The following BRDT variants were observed in gnomAD, a reference collection of about 807,000 sequenced individuals.
The protein encoded by BRDT is bromodomain testis-specific protein.
A neutral mutation model predicts 113.9 loss-of-function variants in BRDT; 77 were observed. The ratio of observed to expected loss-of-function variants is 0.68; its 90% CI spans 0.56 to 0.82. The LOEUF (loss-of-function observed/expected upper bound fraction) is 0.82, where lower values mean the gene tolerates loss of function less well. Ranked by LOEUF, BRDT falls within the 40% of genes least tolerant of loss-of-function variation. The probability of loss-of-function intolerance (pLI) is 0.00; values close to 1 mark genes in which losing one functional copy is unlikely to be tolerated. For synonymous variants in BRDT, 358 were observed against 366.5 expected (o/e 0.98, Z 0.26); for missense variants, 1,027 against 1,105.4 (o/e 0.93, Z 1.01).
At chr1:92,000,794 A>G (rs1339371279) in intron 15 of BRDT, among the ~76,000 whole-genome samples, 1 of 152,210 alleles carries the variant, frequency 6.6e-6, no homozygotes, top group Non-Finnish European at 1.5e-5. Context: ...TGCAGATGAC[A>G]GAAAACTCAG....
At chr1:91,950,950 AG>A (rs1401447432) in intron 1 of BRDT, 2 of 151,770 alleles carry the variant, frequency 1.3e-5, no homozygotes, top group African/African-American at 2.4e-5. Context: ...GCTTGAACCC[AG>A]GAGGAAGTGG....
At chr1:91,996,031 A>G (rs544722492) in intron 15 of BRDT, among the ~76,000 whole-genome samples, 1 of 152,324 alleles carries the variant, frequency 6.6e-6, no homozygotes, top group East Asian at 1.9e-4. Flanking sequence ...GAATAAACAA[A>G]TATCCAAAGT....
intron 12 of BRDT, among the ~76,000 whole-genome samples, chr1:91,990,958 G>A (rs866806182): frequency 1.3e-5 from 2 of 151,928 alleles, no homozygotes; most frequent in Non-Finnish European, 2.9e-5. Flanking sequence ...CCACCACACC[G>A]TGCTAATTTT....
chr1:91,970,139 G>C (rs2101617544), intron 4 of BRDT, among the ~76,000 whole-genome samples: 1 of 151,748 alleles, frequency 6.6e-6, no homozygotes, highest in Admixed American at 6.6e-5. Context: ...CTACATTTAA[G>C]TTTTTTGTTA....
intron 3 of BRDT, among the ~76,000 whole-genome samples, chr1:91,965,924 T>G (rs906500930): frequency 6.6e-5 from 10 of 152,198 alleles, no homozygotes; most frequent in African/African-American, 1.2e-4. Flanking sequence ...CTTGTTTCTC[T>G]GTCTAAAAAA....
chr1:91,964,823 G>T, intron 3 of BRDT, 59 bp downstream of exon 3: 3 of 1,152,686 alleles, frequency 2.6e-6, no homozygotes, highest in South Asian at 2.7e-5. Flanking sequence ...GGAGAGAAAT[G>T]TATAAAATCA....
chr1:91,962,580 C>G, intron 1 of BRDT, 138 bp from the exon 2 acceptor site: 1 of 417,102 alleles, frequency 2.4e-6, no homozygotes. Flanking sequence ...GTGATCCACC[C>G]GCCTTGGCCT....
At chr1:91,962,295 T>TC (rs1491121583) in intron 1 of BRDT, among the ~76,000 whole-genome samples, 1 of 123,816 alleles carries the variant, frequency 8.1e-6, no homozygotes, top group African/African-American at 2.8e-5. Context: ...TTTTTTTTTT[T>TC]CATCCTGTCT....
intron 1 of BRDT, among the ~76,000 whole-genome samples, chr1:91,958,202 A>G (rs1448293205): frequency 1.4e-5 from 2 of 146,370 alleles, no homozygotes; most frequent in African/African-American, 5.0e-5. Flanking sequence ...TCATGACTTG[A>G]TAACTCATGC....
At chr1:91,979,792 T>C (rs753118498) in intron 8 of BRDT, 35 bp downstream of exon 8, 32 of 1,555,126 alleles carry the variant, frequency 2.1e-5, no homozygotes, top group Admixed American at 8.5e-5. Context: ...TTTGATAATC[T>C]ATGAGCTGCT....
intron 11 of BRDT, 34 bp from the exon 12 acceptor site, chr1:91,981,584 T>C (rs1388775748): frequency 1.9e-6 from 3 of 1,607,010 alleles, no homozygotes; most frequent in Non-Finnish European, 2.6e-6. Context: ...TATTTAATTC[T>C]TCTGGCATTT....
At chr1:92,001,733 A>AGTCTAAACTGGAGAGCTGC (rs1686866579) in intron 15 of BRDT, among the ~76,000 whole-genome samples, 1 of 151,868 alleles carries the variant, frequency 6.6e-6, no homozygotes, top group African/African-American at 2.4e-5. Flanking sequence ...AGCTGAGGTC[A>AGTCTAAACTGGAGAGCTGC]GTCTAAACTG....
chr1:91,992,835 C>T (rs1022695882), intron 14 of BRDT, among the ~76,000 whole-genome samples: 5 of 152,198 alleles, frequency 3.3e-5, no homozygotes, highest in East Asian at 1.9e-4. Flanking sequence ...CATGCCTGGC[C>T]TTCCCATTCC....
chr1:92,009,743 A>AT (rs1373682014), intron 18 of BRDT, among the ~76,000 whole-genome samples: 1 of 149,160 alleles, frequency 6.7e-6, no homozygotes, highest in Non-Finnish European at 1.5e-5. Context: ...TTATTTATTT[A>AT]TTTTTTTTGT....
At position 91,979,757 on chromosome 1, in the gene BRDT, G is replaced by A. The variant is rs1309748708; in HGVS notation, c.1287G>A (p.Gln429=). Residue 429 remains glutamine, a splice_region_variant and synonymous_variant, in exon 8 of 19, where the codon CAG becomes CAA. Coordinates refer to ENST00000399546, the MANE Select transcript of BRDT (RefSeq NM_207189.4). ...RVKRLAKLQE[Q]LKAVHQQLQV... is the part of the protein sequence containing the mutation. ...AGCGTCTTGCAAAGCTTCAGGAGCA[G>A]GTAGTTGATTGTATTGATACAAATT... The A allele has an allele frequency of 3.8e-6, 6 of 1,595,996 alleles. No homozygotes were observed. The highest frequency in any genetic ancestry group is 5.1e-6 in the Non-Finnish European group (6 of 1,175,186).
chr1:91,974,633 C>T (rs1326731374), intron 4 of BRDT, among the ~76,000 whole-genome samples: 1 of 152,094 alleles, frequency 6.6e-6, no homozygotes, highest in African/African-American at 2.4e-5. Context: ...CAGGAAACAA[C>T]AGGTGCTGGA....
At chr1:92,008,725 G>C (rs1446887736) in intron 18 of BRDT, among the ~76,000 whole-genome samples, 2 of 152,090 alleles carry the variant, frequency 1.3e-5, no homozygotes, top group Non-Finnish European at 2.9e-5. Context: ...GGTTTATCTT[G>C]TCCAGAATGT....
At chr1:91,969,832 T>G (rs1264265878) in intron 4 of BRDT, among the ~76,000 whole-genome samples, 14 of 145,606 alleles carry the variant, frequency 9.6e-5, no homozygotes, top group South Asian at 2.2e-4. Context: ...TGTTTTTTTT[T>G]TTTTTTTTTT....
At chr1:91,978,581 T>C (rs972125176) in intron 7 of BRDT, among the ~76,000 whole-genome samples, 1 of 152,114 alleles carries the variant, frequency 6.6e-6, no homozygotes, top group Non-Finnish European at 1.5e-5. Flanking sequence ...TGGGGAAATA[T>C]TAGTGAAGAG....
Sources: gnomAD v4.1 joint callset for allele counts (sites outside exome capture counted in the v4.1 genomes callset) on GRCh38, gnomAD v4.1.1 for gene constraint, MANE v1.5 for transcripts, NCBI Gene and HGNC (gene_info 2026-07-23, HGNC 2026-07-21) for gene names.